Variants in GMDS observed in about 807,000 individuals in gnomAD.
GMDS encodes GDP-mannose 4,6 dehydratase.
In GMDS, 20 loss-of-function variants were observed where a neutral mutation model predicts 49.9. That is an observed-to-expected ratio of 0.40 (90% CI 0.28 to 0.58). GMDS has a LOEUF of 0.58. GMDS is among the 20% of genes least tolerant of loss of function. GMDS has a pLI of 0.42. For synonymous variants in GMDS, 177 were observed against 178.6 expected (o/e 0.99, Z 0.07); for missense variants, 362 against 481.4 (o/e 0.75, Z 2.32).
chr6:2,147,410 C>T (rs1376158105), intron 1 of GMDS, among the ~76,000 whole-genome samples: 7 of 152,182 alleles, frequency 4.6e-5, no homozygotes, highest in Admixed American at 1.3e-4. Flanking sequence ...ACATTGGTTG[C>T]TAGCCCAGAA....
chr6:1,636,133 G>A (rs887170792), intron 9 of GMDS, among the ~76,000 whole-genome samples: 17 of 152,132 alleles, frequency 1.1e-4, no homozygotes, highest in African/African-American at 2.7e-4. Context: ...GCATCTCTTC[G>A]GTGCTTCTCT....
intron 8 of GMDS, among the ~76,000 whole-genome samples, chr6:1,741,485 GAAAATTT>G (rs1561772343): frequency 2.0e-5 from 3 of 151,796 alleles, no homozygotes; most frequent in African/African-American, 7.3e-5. Flanking sequence ...AAGAAATTTG[GAAAATTT>G]TCCAAATTTC....
intron 4 of GMDS, among the ~76,000 whole-genome samples, chr6:1,966,219 T>G (rs530022804): frequency 6.6e-6 from 1 of 152,186 alleles, no homozygotes; most frequent in Admixed American, 6.5e-5. Flanking sequence ...TTGGTTTCTA[T>G]CATTATCTTT....
At position 1,868,275 on chromosome 6, in the gene GMDS, G is replaced by A. The variant is rs145130131; in HGVS notation, c.771+61828C>T. ...GCTGGGATTACAGGCGTGATCCACC[G>A]CACCCGGCCCTCAACAGCTGTTCTG... is the stretch of plus-strand genomic sequence containing the variant. On this transcript the variant is annotated intron_variant, in intron 7 of 10. Coordinates refer to ENST00000380815, the MANE Select transcript of GMDS (RefSeq NM_001500.4). 9.0e-3 allele frequency among the ~76,000 whole-genome samples: 1,366 copies of A among 152,218 alleles called. 8 individuals are homozygous for A. The highest frequency in any genetic ancestry group is 0.011 in the Non-Finnish European group (755 of 67,994).
At chr6:2,083,679 T>C (rs1345216572) in intron 4 of GMDS, among the ~76,000 whole-genome samples, 1 of 152,220 alleles carries the variant, frequency 6.6e-6, no homozygotes, top group Non-Finnish European at 1.5e-5. Flanking sequence ...TGCCTTCATT[T>C]TACAATCAAG....
chr6:2,029,637 T>C, intron 4 of GMDS, among the ~76,000 whole-genome samples: 1 of 152,170 alleles, frequency 6.6e-6, no homozygotes, highest in Non-Finnish European at 1.5e-5. Context: ...ACAAGACTTG[T>C]GTCAGGCATC....
intron 7 of GMDS, among the ~76,000 whole-genome samples, chr6:1,920,465 AAGAG>A (rs1381008759): frequency 1.3e-5 from 2 of 152,232 alleles, no homozygotes; most frequent in African/African-American, 4.8e-5. Flanking sequence ...GAGACAGAGC[AAGAG>A]AGATAGAGTG....
intron 7 of GMDS, among the ~76,000 whole-genome samples, chr6:1,818,348 C>G (rs1243959500): frequency 1.3e-5 from 2 of 152,134 alleles, no homozygotes; most frequent in African/African-American, 4.8e-5. Context: ...TGGCTCATGC[C>G]TGTAATCCCA....
intron 7 of GMDS, among the ~76,000 whole-genome samples, chr6:1,886,932 A>G (rs1472667278): frequency 6.6e-6 from 1 of 152,230 alleles, no homozygotes; most frequent in Non-Finnish European, 1.5e-5. Context: ...AACTGCTGCT[A>G]CTACTTTCAA....
At chr6:1,860,013 G>A (rs1164860738) in intron 7 of GMDS, among the ~76,000 whole-genome samples, 1 of 152,124 alleles carries the variant, frequency 6.6e-6, no homozygotes, top group Non-Finnish European at 1.5e-5. Context: ...AGACAGTCCT[G>A]AGCCCCACTG....
At chr6:1,738,031 C>CCA (rs76629259) in intron 8 of GMDS, among the ~76,000 whole-genome samples, 1 of 145,086 alleles carries the variant, frequency 6.9e-6, no homozygotes, top group Non-Finnish European at 1.5e-5. Context: ...CATACACACA[C>CCA]CACACACACA....
chr6:2,207,681 G>C (rs1411685161), intron 1 of GMDS, among the ~76,000 whole-genome samples: 1 of 151,898 alleles, frequency 6.6e-6, no homozygotes, highest in African/African-American at 2.4e-5. Context: ...TTGAAGGAAT[G>C]AATACTACCC....
chr6:1,830,882 C>T (rs542235389), intron 7 of GMDS, among the ~76,000 whole-genome samples: 72 of 152,224 alleles, frequency 4.7e-4, no homozygotes, highest in Middle Eastern at 3.4e-3. Flanking sequence ...TTTTGTAGAC[C>T]GATATGTGAA....
intron 7 of GMDS, among the ~76,000 whole-genome samples, chr6:1,793,974 A>G (rs1241795146): frequency 6.6e-6 from 1 of 152,248 alleles, no homozygotes; most frequent in East Asian, 1.9e-4. Flanking sequence ...GGCTTTACAC[A>G]CTTACGTGGG....
At chr6:1,690,555 C>T (rs956757436) in intron 9 of GMDS, among the ~76,000 whole-genome samples, 1 of 152,130 alleles carries the variant, frequency 6.6e-6, no homozygotes, top group East Asian at 1.9e-4. Flanking sequence ...CCTGAGTCCC[C>T]ATCAGAGTGA....
intron 1 of GMDS, among the ~76,000 whole-genome samples, chr6:2,136,923 A>AG: frequency 6.9e-6 from 1 of 144,130 alleles, no homozygotes. Flanking sequence ...AAAAAAAAAA[A>AG]AGAAAGAAAA....
intron 9 of GMDS, among the ~76,000 whole-genome samples, chr6:1,676,574 C>G (rs1359386054): frequency 1.3e-5 from 2 of 152,088 alleles, no homozygotes; most frequent in African/African-American, 4.8e-5. Flanking sequence ...GCTACTGGTA[C>G]CAAAACAGAG....
At position 1,624,464 on chromosome 6, in the gene GMDS, A is replaced by C. The variant is rs749775405; in HGVS notation, c.1056+8T>G. 7.4e-6 allele frequency: 12 copies of C among 1,611,480 alleles called. No homozygotes were observed. The East Asian group carries it at 2.7e-4, about 36-fold the overall frequency. Reference sequence around the variant, plus strand: ...CAGCGGGCGGCGTGCGCCCTAAGAGATACTCACATCGAAAGCGACCCGGGG... The same window carrying C: ...CAGCGGGCGGCGTGCGCCCTAAGAGCTACTCACATCGAAAGCGACCCGGGG... On this transcript the variant is annotated splice_region_variant and intron_variant, in intron 10 of 10. Coordinates refer to ENST00000380815, the MANE Select transcript of GMDS (RefSeq NM_001500.4).
chr6:2,136,071 AC>A (rs1169465313), intron 1 of GMDS, among the ~76,000 whole-genome samples: 2 of 152,298 alleles, frequency 1.3e-5, no homozygotes, highest in East Asian at 1.9e-4. Flanking sequence ...ACTGTAGGCA[AC>A]TGTCGCACTA....
Sources: gnomAD v4.1 joint callset for allele counts (sites outside exome capture counted in the v4.1 genomes callset) on GRCh38, gnomAD v4.1.1 for gene constraint, MANE v1.5 for transcripts, NCBI Gene and HGNC (gene_info 2026-07-23, HGNC 2026-07-21) for gene names.